Variants in MGAT5 observed in about 807,000 individuals in gnomAD.
The protein encoded by MGAT5 is alpha-1,6-mannosylglycoprotein 6-beta-N-acetylglucosaminyltransferase.
In MGAT5, 30 loss-of-function variants were observed where a neutral mutation model predicts 94.3. The observed-to-expected ratio is 0.32, with a 90% CI of 0.24 to 0.43. The LOEUF is 0.43. Among genes scored for constraint, MGAT5 ranks in the 20% least tolerant of loss-of-function variants. The pLI is 1.00. For missense variants in MGAT5, 691 were observed against 905.5 expected (o/e 0.76, Z 3.04); for synonymous variants, 310 against 322.9 (o/e 0.96, Z 0.43).
At chr2:134,363,624 G>A (rs894918098) in intron 10 of MGAT5, among the ~76,000 whole-genome samples, 1 of 152,198 alleles carries the variant, frequency 6.6e-6, no homozygotes, top group African/African-American at 2.4e-5. Context: ...TAGAGGCCAG[G>A]GATGCTGTAC....
chr2:134,286,022 T>C (rs1455962530), intron 2 of MGAT5, among the ~76,000 whole-genome samples: 1 of 152,214 alleles, frequency 6.6e-6, no homozygotes, highest in Non-Finnish European at 1.5e-5. Context: ...TTACTTCTTA[T>C]GTTTGCATTG....
chr2:134,293,813 A>G (rs1041507729), intron 2 of MGAT5, among the ~76,000 whole-genome samples: 4 of 152,216 alleles, frequency 2.6e-5, no homozygotes, highest in African/African-American at 9.6e-5. Flanking sequence ...TTGAGTCTGC[A>G]GTTGGCTGAC....
At chr2:134,380,715 T>C (rs1047971945) in intron 10 of MGAT5, among the ~76,000 whole-genome samples, 1 of 152,234 alleles carries the variant, frequency 6.6e-6, no homozygotes, top group Non-Finnish European at 1.5e-5. Flanking sequence ...GGTCAGATAT[T>C]GTCCTGTTTA....
chr2:134,157,555 A>G (rs1687532734), intron 1 of MGAT5, among the ~76,000 whole-genome samples: 1 of 152,174 alleles, frequency 6.6e-6, no homozygotes, highest in Non-Finnish European at 1.5e-5. Flanking sequence ...GACTGGTTGC[A>G]TGGAAGACAA....
intron 9 of MGAT5, among the ~76,000 whole-genome samples, chr2:134,352,779 T>C (rs1679465776): frequency 6.6e-6 from 1 of 152,180 alleles, no homozygotes; most frequent in Non-Finnish European, 1.5e-5. Context: ...GTAGTATTCC[T>C]AATAGCCATG....
At chr2:134,297,287 T>C (rs1233139460) in intron 2 of MGAT5, among the ~76,000 whole-genome samples, 1 of 151,584 alleles carries the variant, frequency 6.6e-6, no homozygotes, top group African/African-American at 2.4e-5. Context: ...GAAAAACCCA[T>C]GCTCAGATGG....
intron 2 of MGAT5, among the ~76,000 whole-genome samples, chr2:134,286,539 T>G (rs1685013466): frequency 1.3e-5 from 2 of 152,100 alleles, no homozygotes; most frequent in Admixed American, 1.3e-4. Context: ...TCAAGCAGTT[T>G]TCCTGCCTCA....
intron 2 of MGAT5, among the ~76,000 whole-genome samples, chr2:134,285,934 G>C (rs1684974291): frequency 6.6e-6 from 1 of 152,140 alleles, no homozygotes; most frequent in Non-Finnish European, 1.5e-5. Flanking sequence ...ACACTGCTTA[G>C]CCACTTACTA....
chr2:134,255,045 G>A (rs1307686652), intron 1 of MGAT5, among the ~76,000 whole-genome samples: 1 of 152,110 alleles, frequency 6.6e-6, no homozygotes, highest in African/African-American at 2.4e-5. Flanking sequence ...AGGATGGGGA[G>A]GAATGTTCTA....
chr2:134,286,232 C>T (rs1684991929), intron 2 of MGAT5, among the ~76,000 whole-genome samples: 1 of 152,146 alleles, frequency 6.6e-6, no homozygotes, highest in Non-Finnish European at 1.5e-5. Flanking sequence ...TGCTTTCTGC[C>T]CTCCTGTGAC....
intron 1 of MGAT5, among the ~76,000 whole-genome samples, chr2:134,154,090 A>G (rs1006871861): frequency 5.3e-5 from 8 of 152,230 alleles, no homozygotes; most frequent in African/African-American, 1.7e-4. Flanking sequence ...GAGCCATAGC[A>G]TTTTCACCCA....
Position 134,121,767 on chromosome 2 carries a change from C to T in MGAT5, c.-143+1476C>T, listed in dbSNP as rs188668144. 3.2e-3 allele frequency among the ~76,000 whole-genome samples: 491 copies of T among 152,250 alleles called. 3 individuals are homozygous for T. The highest frequency in any genetic ancestry group is 0.011 in the African/African-American group (474 of 41,542). Reference sequence around the variant, plus strand: ...AGAGGTATCTCATTCTAAGGAGATGCGAGTGGGAAGCTGGGTCGTTGAACT... The same window carrying T: ...AGAGGTATCTCATTCTAAGGAGATGTGAGTGGGAAGCTGGGTCGTTGAACT... On this transcript the variant is annotated intron_variant, in intron 1 of 16. Coordinates refer to the MGAT5 transcript ENST00000409645.
intron 13 of MGAT5, among the ~76,000 whole-genome samples, chr2:134,427,943 T>C (rs61475959): frequency 0.023 from 3,499 of 152,288 alleles, 85 homozygotes; most frequent in East Asian, 0.14. Context: ...TAATTTCCTA[T>C]ATGTGCCACA....
intron 8 of MGAT5, among the ~76,000 whole-genome samples, chr2:134,348,867 G>A (rs561575730): frequency 1.2e-4 from 19 of 152,084 alleles, no homozygotes; most frequent in East Asian, 3.9e-4. Context: ...GTTGCTCTTC[G>A]TGCACTCTAG....
At chr2:134,245,498 A>G (rs1682203378) in intron 1 of MGAT5, among the ~76,000 whole-genome samples, 1 of 152,316 alleles carries the variant, frequency 6.6e-6, no homozygotes, top group African/African-American at 2.4e-5. Flanking sequence ...TAATGTGCAC[A>G]TCCAAGAGAC....
chr2:134,371,732 T>G (rs1269048999), intron 10 of MGAT5, among the ~76,000 whole-genome samples: 1 of 152,136 alleles, frequency 6.6e-6, no homozygotes, highest in East Asian at 1.9e-4. Flanking sequence ...AAACTCCCCC[T>G]TAGAACTCAA....
At chr2:134,174,269 T>C (rs1192915385) in intron 1 of MGAT5, among the ~76,000 whole-genome samples, 1 of 152,228 alleles carries the variant, frequency 6.6e-6, no homozygotes, top group African/African-American at 2.4e-5. Flanking sequence ...AAAGATGCCA[T>C]GTTCCTGGTA....
chr2:134,265,264 A>G (rs1232442614), intron 1 of MGAT5, among the ~76,000 whole-genome samples: 1 of 152,218 alleles, frequency 6.6e-6, no homozygotes, highest in Non-Finnish European at 1.5e-5. Flanking sequence ...GCATTAGCTG[A>G]TAGATCTATA....
At chr2:134,394,548 C>T (rs567998780) in intron 10 of MGAT5, among the ~76,000 whole-genome samples, 10 of 152,286 alleles carry the variant, frequency 6.6e-5, no homozygotes, top group African/African-American at 2.2e-4. Context: ...AATTCTCCCC[C>T]CTTCTTGTTA....
Sources: gnomAD v4.1 joint callset for allele counts (sites outside exome capture counted in the v4.1 genomes callset) on GRCh38, gnomAD v4.1.1 for gene constraint, MANE v1.5 for transcripts, NCBI Gene and HGNC (gene_info 2026-07-23, HGNC 2026-07-21) for gene names.